Variants in PHLPP1 observed in about 807,000 individuals in gnomAD.
PHLPP1 encodes the protein PH domain leucine-rich repeat-containing protein phosphatase 1.
A neutral mutation model predicts 117.2 loss-of-function variants in PHLPP1; 42 were observed. The observed-to-expected ratio is 0.36, with a 90% CI of 0.28 to 0.46. The LOEUF (loss-of-function observed/expected upper bound fraction) is 0.46, where lower values mean the gene tolerates loss of function less well. Among genes scored for constraint, PHLPP1 ranks in the 20% least tolerant of loss-of-function variants. The pLI is 1.00. For missense variants in PHLPP1, 2,084 were observed against 2,241.9 expected (o/e 0.93, Z 1.42); for synonymous variants, 1,042 against 970.7 (o/e 1.07, Z -1.37).
chr18:62,875,010 A>G (rs988850813), intron 4 of PHLPP1, among the ~76,000 whole-genome samples: 16 of 152,240 alleles, frequency 1.1e-4, no homozygotes, highest in African/African-American at 3.9e-4. Context: ...GCTGGAGTAC[A>G]GTGGCGCGAT....
intron 4 of PHLPP1, among the ~76,000 whole-genome samples, chr18:62,885,262 GATAA>G (rs932419027): frequency 6.6e-6 from 1 of 152,090 alleles, no homozygotes; most frequent in African/African-American, 2.4e-5. Flanking sequence ...CCTGCCCTTG[GATAA>G]AAATGGCTCC....
At chr18:62,820,986 T>G (rs1160785533) in intron 1 of PHLPP1, among the ~76,000 whole-genome samples, 1 of 152,184 alleles carries the variant, frequency 6.6e-6, no homozygotes, top group Non-Finnish European at 1.5e-5. Context: ...TACGTGTCAA[T>G]TAAATTACAT....
chr18:62,917,435 T>TGTGTGTGTGTGTGTGTG (rs1599119456), intron 9 of PHLPP1, among the ~76,000 whole-genome samples: 1 of 150,916 alleles, frequency 6.6e-6, no homozygotes, highest in Non-Finnish European at 1.5e-5. Context: ...TGTGTGTGTG[T>TGTGTGTGTGTGTGTGTG]TTAACATGTG....
intron 12 of PHLPP1, among the ~76,000 whole-genome samples, chr18:62,946,485 T>A (rs1374777060): frequency 1.3e-5 from 2 of 152,006 alleles, no homozygotes; most frequent in Non-Finnish European, 2.9e-5. Context: ...CAGGCTGGTC[T>A]TGAACTCCTG....
chr18:62,923,849 A>G (rs1212179275), intron 10 of PHLPP1, among the ~76,000 whole-genome samples: 1 of 152,184 alleles, frequency 6.6e-6, no homozygotes, highest in Non-Finnish European at 1.5e-5. Flanking sequence ...AATATTAAAG[A>G]CAGTTTTTAG....
intron 1 of PHLPP1, among the ~76,000 whole-genome samples, chr18:62,786,931 A>G (rs1248893649): frequency 6.6e-6 from 1 of 152,238 alleles, no homozygotes; most frequent in Non-Finnish European, 1.5e-5. Flanking sequence ...AAAGGAGAAT[A>G]TAAAATGTTT....
At chr18:62,722,095 C>T (rs1405904457) in intron 1 of PHLPP1, among the ~76,000 whole-genome samples, 1 of 152,160 alleles carries the variant, frequency 6.6e-6, no homozygotes, top group Non-Finnish European at 1.5e-5. Context: ...CACACAGCGG[C>T]ATTTCTCCCA....
intron 2 of PHLPP1, chr18:62,837,841 T>A (rs567948463): frequency 3.3e-5 from 5 of 152,048 alleles, no homozygotes; most frequent in Admixed American, 6.6e-5. Context: ...GTTTTTTTTG[T>A]ATTTTTAGTA....
At chr18:62,875,599 C>T (rs1403955143) in intron 4 of PHLPP1, among the ~76,000 whole-genome samples, 2 of 152,082 alleles carry the variant, frequency 1.3e-5, no homozygotes, top group African/African-American at 4.8e-5. Context: ...TAAATAGATA[C>T]TCCATAAATG....
intron 6 of PHLPP1, among the ~76,000 whole-genome samples, chr18:62,902,214 C>T (rs1228423982): frequency 6.6e-6 from 1 of 152,140 alleles, no homozygotes; most frequent in East Asian, 1.9e-4. Flanking sequence ...TTCCCCTGTG[C>T]CTTGCTTCAT....
intron 3 of PHLPP1, among the ~76,000 whole-genome samples, chr18:62,859,795 A>G (rs951809595): frequency 5.9e-5 from 9 of 152,226 alleles, no homozygotes; most frequent in African/African-American, 2.2e-4. Flanking sequence ...GGAGGAGATT[A>G]CTGATATCAC....
At chr18:62,871,511 A>G (rs998364233) in intron 4 of PHLPP1, among the ~76,000 whole-genome samples, 1 of 151,894 alleles carries the variant, frequency 6.6e-6, no homozygotes, top group Non-Finnish European at 1.5e-5. Context: ...GTATTATTGT[A>G]GAGACGGAGT....
chr18:62,878,104 G>T (rs1262732296), intron 4 of PHLPP1, among the ~76,000 whole-genome samples: 4 of 152,154 alleles, frequency 2.6e-5, no homozygotes, highest in Non-Finnish European at 5.9e-5. Context: ...TATTCTCTGA[G>T]CTTTAACTTA....
chr18:62,804,217 C>G (rs544708647), intron 1 of PHLPP1, among the ~76,000 whole-genome samples: 2 of 152,138 alleles, frequency 1.3e-5, no homozygotes, highest in African/African-American at 2.4e-5. Flanking sequence ...TGAGAACTCA[C>G]TCACCATCAT....
In PHLPP1 at chr18:62,975,656, T is replaced by TGGAGA. The variant is rs554008925; in HGVS notation, c.3984+47_3984+51dup. On this transcript the variant is annotated intron_variant, in intron 16 of 16. Coordinates refer to ENST00000262719, the MANE Select transcript of PHLPP1 (RefSeq NM_194449.4). Reference sequence around the variant, plus strand: ...AAAACAGGGGTGTTGCCCAGGATGGTGGAGAGGAGAGGAGAGGAGACCAGG... The same window carrying TGGAGA: ...AAAACAGGGGTGTTGCCCAGGATGGTGGAGAGGAGAGGAGAGGAGAGGAGACCAGG... 466 of 1,459,072 alleles carry TGGAGA rather than the reference T, an allele frequency of 3.2e-4. 4 individuals are homozygous for TGGAGA. The South Asian group carries it at 4.5e-3, about 14-fold the overall frequency. 90.4% of individuals were successfully genotyped at this position (1,459,072 alleles called of 1,614,324 possible). A position where few individuals can be genotyped will look rare whatever the true frequency, so the allele number is the denominator to read the frequency against.
chr18:62,835,245 G>A (rs1230684037), intron 2 of PHLPP1, among the ~76,000 whole-genome samples: 1 of 147,096 alleles, frequency 6.8e-6, no homozygotes, highest in African/African-American at 2.5e-5. Context: ...CTCTTGTCAC[G>A]CAGGCTGGAG....
chr18:62,921,857 T>G (rs192676756), intron 10 of PHLPP1, among the ~76,000 whole-genome samples: 1 of 152,334 alleles, frequency 6.6e-6, no homozygotes, highest in Admixed American at 6.5e-5. Context: ...AGGACCACCT[T>G]ACCCAGAACA....
chr18:62,870,346 A>T (rs933601032), intron 4 of PHLPP1, among the ~76,000 whole-genome samples: 3 of 152,190 alleles, frequency 2.0e-5, no homozygotes, highest in Admixed American at 2.0e-4. Flanking sequence ...TATATTTAAT[A>T]CCAGGAATTA....
chr18:62,888,103 G>C (rs1342015173), intron 4 of PHLPP1, among the ~76,000 whole-genome samples: 1 of 151,988 alleles, frequency 6.6e-6, no homozygotes, highest in African/African-American at 2.4e-5. Context: ...ATTATAAACC[G>C]ACCACTGTAG....
Sources: allele counts gnomAD v4.1 joint callset (sites outside exome capture counted in the v4.1 genomes callset), GRCh38; gene constraint gnomAD v4.1.1; transcripts MANE v1.5; gene names NCBI Gene and HGNC (gene_info 2026-07-23, HGNC 2026-07-21).